The following FCRLA variants were observed in gnomAD, a reference collection of about 807,000 sequenced individuals.
FCRLA encodes the protein Fc receptor like A.
Under a neutral mutation model 28.4 loss-of-function variants are expected in FCRLA, and 26 were observed. That is an observed-to-expected ratio of 0.91 (90% CI 0.67 to 1.27). The LOEUF (loss-of-function observed/expected upper bound fraction) is 1.27, where lower values mean the gene tolerates loss of function less well. FCRLA is among the 50% of genes most tolerant of loss of function. The pLI is 0.00. For synonymous variants in FCRLA, 174 were observed against 168.5 expected, an observed-to-expected ratio of 1.03 and a Z score of -0.25; for missense variants, 422 against 433.1, an observed-to-expected ratio of 0.97 and a Z score of 0.23.
At position 161,713,457 on chromosome 1, in the gene FCRLA, C is replaced by A; in HGVS notation, c.*77C>A. On this transcript the variant is annotated 3_prime_UTR_variant, in exon 5 of 5. Coordinates refer to ENST00000236938, the MANE Select transcript of FCRLA (RefSeq NM_032738.4). ...CTTTATTTTCTCTTCCTGTCCTGCA[C>A]ATATGCATAAGTACTTTTACAAGTT... The A allele has an allele frequency of 8.3e-7, 1 of 1,203,650 alleles. No individual in the cohort carries two copies. Among genetic ancestry groups the A allele is most frequent in the Non-Finnish European group, 1.2e-6 (1 of 848,920 alleles). The allele number at this position is 1,203,650 out of a possible 1,614,324, so 74.6% of individuals were successfully genotyped here. A position where few individuals can be genotyped will look rare whatever the true frequency, so the allele number is the denominator to read the frequency against.
At chr1:161,710,528 T>A in intron 1 of FCRLA, 1 of 1,548,834 alleles carries the variant, frequency 6.5e-7, no homozygotes, top group South Asian at 1.2e-5. Context: ...CTCCCCTCCC[T>A]CTTCTCCAAA....
intron 1 of FCRLA, 68 bp from the exon 2 acceptor site, chr1:161,710,692 G>A: frequency 6.3e-7 from 1 of 1,592,474 alleles, no homozygotes; most frequent in Non-Finnish European, 8.6e-7. Context: ...GGAGATGGAG[G>A]AACCCTGTCC....
At chr1:161,711,530 C>A in intron 3 of FCRLA, 56 bp downstream of exon 3, 5 of 1,550,770 alleles carry the variant, frequency 3.2e-6, no homozygotes, top group Non-Finnish European at 3.5e-6. Context: ...AGACAGGGAG[C>A]CCAAATTGTC....
Position 161,711,368 on chromosome 1 carries a change from C to T in FCRLA, c.393C>T (p.Thr131=), listed in dbSNP as rs537598966. ...GGCCTAACAGGGAATTCTCCATCAC[C>T]GTGGTACAAAAGGCAGACAGCGGGC... The part of the protein sequence containing the change: ...PPGPNREFSI[T]VVQKADSGHY... The change falls in exon 3 of 5, where the codon ACC becomes ACT. Residue 131 remains threonine, a synonymous_variant. Coordinates refer to ENST00000236938, the MANE Select transcript of FCRLA (RefSeq NM_032738.4). The T allele has an allele frequency of 3.0e-5, 49 of 1,614,190 alleles. No individual in the cohort carries two copies. Among genetic ancestry groups the T allele is most frequent in the South Asian group, 1.6e-4 (15 of 91,084 alleles).
At chr1:161,710,564 T>A in intron 1 of FCRLA, 196 bp from the exon 2 acceptor site, 2 of 1,494,446 alleles carry the variant, frequency 1.3e-6, no homozygotes, top group Non-Finnish European at 1.8e-6. Flanking sequence ...TGAGAGCACC[T>A]GGACGCCAGT....
intron 4 of FCRLA, 106 bp from the exon 5 acceptor site, chr1:161,712,979 G>A (rs1571069023): frequency 2.3e-6 from 3 of 1,308,102 alleles, no homozygotes; most frequent in African/African-American, 3.0e-5. Context: ...TGCTGCCATT[G>A]GGCCCCACAG....
intron 1 of FCRLA, 29 bp downstream of exon 1, chr1:161,707,372 G>A (rs1682869070): frequency 1.3e-6 from 2 of 1,552,838 alleles, no homozygotes; most frequent in South Asian, 1.2e-5. Context: ...TATTGGTGTG[G>A]GAATGGAGCT....
Position 161,713,401 on chromosome 1 carries a change from A to G in FCRLA, c.*21A>G. 1 of 1,587,552 alleles carries G rather than the reference A, an allele frequency of 6.3e-7. No individual in the cohort carries two copies. The highest frequency in any genetic ancestry group is 8.6e-7 in the Non-Finnish European group (1 of 1,162,130). ...AATAGAAGTAAACAGTTCATCCATG[A>G]TCTCACTTAACCACCCCAATAAATC... On this transcript the variant is annotated 3_prime_UTR_variant, in exon 5 of 5. Coordinates refer to ENST00000236938, the MANE Select transcript of FCRLA (RefSeq NM_032738.4).
At chr1:161,710,658 A>T in intron 1 of FCRLA, 102 bp from the exon 2 acceptor site, 2 of 1,517,762 alleles carry the variant, frequency 1.3e-6, no homozygotes, top group Non-Finnish European at 1.8e-6. Context: ...TACTAGTCTC[A>T]TTCTAAAAAG....
chr1:161,707,271 C>G lies in FCRLA; in HGVS notation c.7C>G (p.Leu3Val). The G allele has an allele frequency of 6.2e-7, 1 of 1,613,970 alleles. No homozygotes were observed. The highest frequency in any genetic ancestry group is 2.2e-5 in the East Asian group (1 of 44,884). Residue 3 changes from leucine to valine, a missense_variant, in exon 1 of 5, where the codon CTG (leucine) becomes GTG (valine). Transcript: ENST00000236938. ...AGACCTAAACACAGTCACCATGAAG[C>G]TGGGCTGTGTCCTCATGGCCTGGGC... MKLGCVLMAWALY... is the reference protein window; with the variant it reads MKVGCVLMAWALY...
chr1:161,709,294 AT>A (rs1682980291), intron 1 of FCRLA, among the ~76,000 whole-genome samples: 1 of 152,082 alleles, frequency 6.6e-6, no homozygotes. Context: ...GGCCTGGCCA[AT>A]TTTTTAAAAA....
Position 161,713,509 on chromosome 1 carries a change from A to C in FCRLA, c.*129A>C. The C allele has an allele frequency of 1.4e-6, 1 of 706,622 alleles. No homozygotes were observed. The highest frequency in any genetic ancestry group is 2.7e-5 in the East Asian group (1 of 36,568). 43.8% of individuals were successfully genotyped at this position (706,622 alleles called of 1,614,324 possible). ...TCCCAGTGTTTTGTTAGAATAATGTAGTTAGGTGAGTGTAAATAAATTTAT... is the reference window on the plus strand; with the variant it reads ...TCCCAGTGTTTTGTTAGAATAATGTCGTTAGGTGAGTGTAAATAAATTTAT... On this transcript the variant is annotated 3_prime_UTR_variant, in exon 5 of 5. Coordinates refer to ENST00000236938, the MANE Select transcript of FCRLA (RefSeq NM_032738.4).
At chr1:161,711,043 A>C (rs1683073194) in intron 2 of FCRLA, 131 bp downstream of exon 2, 3 of 1,446,380 alleles carry the variant, frequency 2.1e-6, no homozygotes, top group South Asian at 2.6e-5. Context: ...GCCCACAGCA[A>C]CCAGGGTGCT....
rs778779192 is a variant in FCRLA, at chr1:161,711,472, A to G, written c.497A>G (p.Gln166Arg). 3.1e-6 allele frequency: 5 copies of G among 1,611,304 alleles called. No individual in the cohort carries two copies. Among genetic ancestry groups the G allele is most frequent in the Non-Finnish European group, 4.2e-6 (5 of 1,178,082 alleles). Residue 166 changes from glutamine (Q) to arginine (R), a missense_variant and splice_region_variant, in exon 3 of 5, where the codon CAA becomes CGA. Physicochemically the swap from Gln to Arg is conservative, Grantham distance 43 (BLOSUM62 1). Coordinates refer to ENST00000236938, the MANE Select transcript of FCRLA (RefSeq NM_032738.4). The stretch of plus-strand genomic sequence containing the variant: ...GCATCTGTTGTGGCTATCACAGTCC[A>G]AGGTGAGAGCTAGAAGCAGCATTGT... ...ETASVVAITV[Q>R]ELFPAPILRA...
chr1:161,711,214 T>A lies in FCRLA; in HGVS notation c.239T>A (p.Leu80Gln), dbSNP rs1358451449. 1 of 1,612,508 alleles carries A rather than the reference T, an allele frequency of 6.2e-7. No homozygotes were observed. The highest frequency in any genetic ancestry group is 1.7e-5 in the Admixed American group (1 of 59,948). The change falls in exon 3 of 5, where the codon CTG becomes CAG. Residue 80 changes from leucine (L) to glutamine (Q), a missense_variant. By Grantham distance (113) the Leu-to-Gln change is moderately radical. Coordinates refer to ENST00000236938, the MANE Select transcript of FCRLA (RefSeq NM_032738.4). Reference sequence around the variant, plus strand: ...CTCTTTCTCTGGACCATAGACTGGCTGATCCTCCAAGGTCCAGCCAAGCCA... The same window carrying A: ...CTCTTTCTCTGGACCATAGACTGGCAGATCCTCCAAGGTCCAGCCAAGCCA... ...PFHLIVSYDW[L>Q]ILQGPAKPVF... is the part of the protein sequence containing the mutation.
intron 1 of FCRLA, chr1:161,710,557 G>C: frequency 5.9e-6 from 9 of 1,517,482 alleles, no homozygotes; most frequent in Non-Finnish European, 8.1e-6. Flanking sequence ...CATTTGCTGA[G>C]AGCACCTGGA....
At chr1:161,712,332 C>A in intron 4 of FCRLA, 114 bp downstream of exon 4, 3 of 1,245,392 alleles carry the variant, frequency 2.4e-6, no homozygotes, top group Non-Finnish European at 3.3e-6. Flanking sequence ...TAAGAAGGGA[C>A]ACAGAGGGGG....
At chr1:161,711,675 G>A (rs1683109659) in intron 3 of FCRLA, 1 of 750,022 alleles carries the variant, frequency 1.3e-6, no homozygotes, top group Non-Finnish European at 2.1e-6. Context: ...GTCCAGCATA[G>A]TTCCTACCAC....
At chr1:161,710,939 T>C in intron 2 of FCRLA, 27 bp downstream of exon 2, 1 of 1,611,054 alleles carries the variant, frequency 6.2e-7, no homozygotes, top group South Asian at 1.1e-5. Context: ...GCCTGAGCAG[T>C]GCCCCAAACC....
Sources: gnomAD v4.1 joint callset for allele counts (sites outside exome capture counted in the v4.1 genomes callset) on GRCh38, gnomAD v4.1.1 for gene constraint, MANE v1.5 for transcripts, NCBI Gene and HGNC (gene_info 2026-07-23, HGNC 2026-07-21) for gene names.